Variants in MED14 observed in about 807,000 individuals in gnomAD.
MED14 encodes mediator complex subunit 14.
A neutral mutation model predicts 109.0 loss-of-function variants in MED14; 8 were observed. The observed-to-expected ratio is 0.07, with a 90% CI of 0.04 to 0.13. The LOEUF is 0.13. MED14 is among the 10% of genes least tolerant of loss of function. The pLI is 1.00. For missense variants in MED14, 711 were observed against 1,142.4 expected (o/e 0.62, Z 5.44); for synonymous variants, 399 against 408.7 (o/e 0.98, Z 0.29).
At position 40,666,711 on chromosome X, in the gene MED14, T is replaced by A. The variant is rs1369336103; in HGVS notation, c.3265+9A>T. The A allele has an allele frequency of 5.8e-6, 7 of 1,207,407 alleles. No individual in the cohort carries two copies. Among genetic ancestry groups the A allele is most frequent in the African/African-American group, 3.5e-5 (2 of 57,351 alleles). On this transcript the variant is annotated intron_variant, in intron 24 of 30. Coordinates refer to ENST00000324817, the MANE Select transcript of MED14 (RefSeq NM_004229.4). ...CTTATGCTATATCGATTTCCATGTA[T>A]GGACTCACCATGTGGACTAGCAAAA...
At chrX:40,722,164 C>G (rs1931742593) in intron 3 of MED14, among the ~76,000 whole-genome samples, 1 of 112,100 alleles carries the variant, frequency 8.9e-6, no homozygotes, top group Non-Finnish European at 1.9e-5. Context: ...ACCTTTCAGA[C>G]AGAAAATTCA....
intron 3 of MED14, 141 bp downstream of exon 3, chrX:40,726,605 T>C: frequency 4.3e-6 from 2 of 469,786 alleles, no homozygotes; most frequent in Non-Finnish European, 7.1e-6. Context: ...TCTGCAGAAA[T>C]ATACATTATC....
chrX:40,650,485 A>C lies in MED14; in HGVS notation c.*1321T>G. 2.7e-6 allele frequency: 2 copies of C among 753,739 alleles called. No homozygotes were observed. The highest frequency in any genetic ancestry group is 3.1e-6 in the Non-Finnish European group (2 of 638,934). The allele number at this position is 753,739 out of a possible 1,213,427, so 62.1% of individuals were successfully genotyped here. On this transcript the variant is annotated 3_prime_UTR_variant, in exon 31 of 31. Coordinates refer to ENST00000324817, the MANE Select transcript of MED14 (RefSeq NM_004229.4). Reference sequence around the variant, plus strand: ...GAACCAGTATTACAGTGACCAGGTAACTCGGCATGGTATTATCACTTAAAA... The same window carrying C: ...GAACCAGTATTACAGTGACCAGGTACCTCGGCATGGTATTATCACTTAAAA...
rs1207280850 is a variant in MED14, at chrX:40,650,887, T to C, written c.*919A>G. The C allele has an allele frequency of 4.0e-6, 3 of 751,937 alleles. No homozygotes were observed. The highest frequency in any genetic ancestry group is 4.7e-6 in the Non-Finnish European group (3 of 638,181). 62.0% of individuals were successfully genotyped at this position (751,937 alleles called of 1,213,427 possible). On this transcript the variant is annotated 3_prime_UTR_variant, in exon 31 of 31. Coordinates refer to ENST00000324817, the MANE Select transcript of MED14 (RefSeq NM_004229.4). ...AGCATTAAAGTTCTTTGTTTCCTAATTAATGTTGTATGCAGAAGTATTCTG... is the reference window on the plus strand; with the variant it reads ...AGCATTAAAGTTCTTTGTTTCCTAACTAATGTTGTATGCAGAAGTATTCTG...
intron 23 of MED14, among the ~76,000 whole-genome samples, chrX:40,667,526 AAG>A (rs1405526204): frequency 8.9e-6 from 1 of 111,922 alleles, no homozygotes; most frequent in Non-Finnish European, 1.9e-5. Context: ...GGGCAGTGGG[AAG>A]AGAGGACACC....
chrX:40,654,076 C>A (rs1184126728), intron 30 of MED14: 1 of 274,193 alleles, frequency 3.6e-6, no homozygotes, highest in East Asian at 6.2e-5. Flanking sequence ...GTCTTTGTGG[C>A]AATGTGTGCT....
chrX:40,715,234 T>C (rs899084163), intron 3 of MED14, among the ~76,000 whole-genome samples: 6 of 111,412 alleles, frequency 5.4e-5, no homozygotes, highest in Non-Finnish European at 9.4e-5. Flanking sequence ...TATTAAGAGA[T>C]AATGCAAAAT....
At position 40,663,003 on chromosome X, in the gene MED14, G is replaced by A; in HGVS notation, c.3606C>T (p.Tyr1202=). ...GGAATCTCTCAAGTGGAGAACAAAGGTAACTACCTGCCAGGCCGGGCACAA... is the reference window on the plus strand; with the variant it reads ...GGAATCTCTCAAGTGGAGAACAAAGATAACTACCTGCCAGGCCGGGCACAA... ...PGLVPGLAGS[Y]LCSPLERFLG... Residue 1202 remains tyrosine (Y), a synonymous_variant, in exon 26 of 31, where the codon TAC becomes TAT. Transcript: ENST00000324817. 2 of 1,211,493 alleles carry A rather than the reference G, an allele frequency of 1.7e-6. No individual in the cohort carries two copies. Among genetic ancestry groups the A allele is most frequent in the East Asian group, 3.0e-5 (1 of 33,851 alleles).
chrX:40,708,224 T>G (rs1931220068), intron 10 of MED14, among the ~76,000 whole-genome samples: 1 of 110,956 alleles, frequency 9.0e-6, no homozygotes, highest in Admixed American at 9.6e-5. Context: ...ATTTGCATTT[T>G]TGTTAAGTTA....
chrX:40,690,690 C>T (rs1055341764), intron 15 of MED14, among the ~76,000 whole-genome samples: 4 of 111,162 alleles, frequency 3.6e-5, no homozygotes, highest in African/African-American at 1.3e-4. Flanking sequence ...GCTGGGACTA[C>T]AGGCATGAGT....
chrX:40,687,447 C>A (rs776791871), intron 16 of MED14, among the ~76,000 whole-genome samples: 1 of 111,858 alleles, frequency 8.9e-6, no homozygotes, highest in East Asian at 2.8e-4. Flanking sequence ...TTCAAAAACA[C>A]CTATCTAATG....
intron 30 of MED14, 82 bp downstream of exon 30, chrX:40,654,282 G>A: frequency 1.1e-6 from 1 of 883,166 alleles, no homozygotes; most frequent in African/African-American, 2.0e-5. Context: ...TAAGGAGGGA[G>A]AAGAGAAGAG....
chrX:40,701,610 T>C (rs1240832326), intron 11 of MED14, among the ~76,000 whole-genome samples: 1 of 111,515 alleles, frequency 9.0e-6, no homozygotes, highest in African/African-American at 3.3e-5. Context: ...TTATTAGACT[T>C]AGAACCTTAA....
At chrX:40,729,501 T>A (rs1270100616) in intron 1 of MED14, 156 bp from the exon 2 acceptor site, 1 of 491,358 alleles carries the variant, frequency 2.0e-6, no homozygotes, top group African/African-American at 2.4e-5. Flanking sequence ...CTTTTTTAGA[T>A]TTATGAGTTT....
At chrX:40,730,853 G>A (rs1932053687) in intron 1 of MED14, among the ~76,000 whole-genome samples, 1 of 101,636 alleles carries the variant, frequency 9.8e-6, no homozygotes, top group African/African-American at 3.5e-5. Flanking sequence ...AAGGGGGCGG[G>A]GGGGTCAGGT....
chrX:40,677,975 C>A (rs796105551), intron 21 of MED14, among the ~76,000 whole-genome samples: 1 of 111,649 alleles, frequency 9.0e-6, no homozygotes, highest in Non-Finnish European at 1.9e-5. Flanking sequence ...AGTTCTTTAT[C>A]TAGCCACTTC....
At chrX:40,676,542 A>G (rs1445557181) in intron 21 of MED14, among the ~76,000 whole-genome samples, 1 of 112,113 alleles carries the variant, frequency 8.9e-6, no homozygotes, top group African/African-American at 3.2e-5. Flanking sequence ...AGCTATTTCC[A>G]TCCAGATCCC....
Position 40,650,984 on chromosome X carries a change from C to T in MED14, c.*822G>A, listed in dbSNP as rs1441487008. 5.3e-6 allele frequency: 4 copies of T among 750,513 alleles called. No homozygotes were observed. The highest frequency in any genetic ancestry group is 6.3e-6 in the Non-Finnish European group (4 of 637,216). 61.9% of individuals were successfully genotyped at this position (750,513 alleles called of 1,213,427 possible). A position where few individuals can be genotyped will look rare whatever the true frequency, so the allele number is the denominator to read the frequency against. On this transcript the variant is annotated 3_prime_UTR_variant, in exon 31 of 31. Coordinates refer to ENST00000324817, the MANE Select transcript of MED14 (RefSeq NM_004229.4). ...GAGAATGATTGCATTATTTGGGATC[C>T]TTGATCAATACGAACCACATACTGT...
In MED14 at chrX:40,658,761, G is replaced by A. The variant is rs368157133; in HGVS notation, c.3972+466C>T. ...ACCTGTAGTCCCAACTACTCAGGAGGCTGAGGTGGGAGAATCACCTGAGCC... is the reference window on the plus strand; with the variant it reads ...ACCTGTAGTCCCAACTACTCAGGAGACTGAGGTGGGAGAATCACCTGAGCC... On this transcript the variant is annotated intron_variant, in intron 28 of 30. Transcript: ENST00000324817. 2.8e-5 allele frequency among the ~76,000 whole-genome samples: 3 copies of A among 108,862 alleles called. No individual in the cohort carries two copies. In the East Asian group the frequency reaches 8.6e-4, roughly 31 times the overall value. The allele number at this position is 108,862 out of a possible 115,157, so 94.5% of individuals were successfully genotyped here.
Sources: gnomAD v4.1 joint callset for allele counts (sites outside exome capture counted in the v4.1 genomes callset) on GRCh38, gnomAD v4.1.1 for gene constraint, MANE v1.5 for transcripts, NCBI Gene and HGNC (gene_info 2026-07-23, HGNC 2026-07-21) for gene names.